The following SPMIP9 variants were observed in gnomAD, a reference collection of about 807,000 sequenced individuals.
SPMIP9 encodes protein SPMIP9.
the SPMIP9 span, chr2:88,529,172 C>T: frequency 6.2e-7 from 1 of 1,614,204 alleles, no homozygotes. Context: ...TGCCAAAGAC[C>T]TGGGACTCCC....
chr2:88,527,144 C>A, the SPMIP9 span, among the ~76,000 whole-genome samples: 1 of 152,092 alleles, frequency 6.6e-6, no homozygotes, highest in African/African-American at 2.4e-5. Context: ...CGCAAACTTA[C>A]CCCTCCTCCC....
At chr2:88,528,360 A>G in the SPMIP9 span, among the ~76,000 whole-genome samples, 2 of 151,066 alleles carry the variant, frequency 1.3e-5, no homozygotes, top group African/African-American at 4.9e-5. Flanking sequence ...CTGGTCTTGG[A>G]CTCCTGTCCT....
chr2:88,525,455 C>T, the SPMIP9 span, among the ~76,000 whole-genome samples: 20 of 152,308 alleles, frequency 1.3e-4, no homozygotes, highest in Non-Finnish European at 2.1e-4. Flanking sequence ...GTCCCAGGGA[C>T]CCTGGTATCA....
chr2:88,528,700 A>G, the SPMIP9 span, among the ~76,000 whole-genome samples: 4 of 152,234 alleles, frequency 2.6e-5, no homozygotes, highest in Non-Finnish European at 5.9e-5. Flanking sequence ...AAAGTGTGGG[A>G]TGGAATATAA....
At chr2:88,526,310 G>A in the SPMIP9 span, 147 of 954,218 alleles carry the variant, frequency 1.5e-4, no homozygotes, top group Non-Finnish European at 1.5e-4. Context: ...CCCCAAAGTC[G>A]GCCTTTGTCC....
At chr2:88,526,917 C>G in the SPMIP9 span, among the ~76,000 whole-genome samples, 2 of 152,110 alleles carry the variant, frequency 1.3e-5, no homozygotes, top group Non-Finnish European at 2.9e-5. Context: ...CCACCTGCCT[C>G]GGCCTCCCAA....
the SPMIP9 span, chr2:88,529,379 T>C: frequency 6.2e-7 from 1 of 1,614,182 alleles, no homozygotes; most frequent in East Asian, 2.2e-5. Context: ...GGCCAAAGGC[T>C]ACCTGCTACT....
chr2:88,527,080 C>A, the SPMIP9 span, among the ~76,000 whole-genome samples: 44,791 of 151,978 alleles, frequency 0.29, 7,048 homozygotes, highest in Middle Eastern at 0.43. Context: ...CATTACAGAC[C>A]GCTTAAAACA....
chr2:88,528,842 G>A, the SPMIP9 span, among the ~76,000 whole-genome samples: 41 of 152,232 alleles, frequency 2.7e-4, no homozygotes, highest in Admixed American at 3.9e-4. Context: ...AACCAAGGGA[G>A]GAGGAGAGTG....
chr2:88,529,141 T>C, the SPMIP9 span: 1 of 1,614,176 alleles, frequency 6.2e-7, no homozygotes, highest in Non-Finnish European at 8.5e-7. Flanking sequence ...GGTACCCTGC[T>C]TTCAAAAGAC....
the SPMIP9 span, among the ~76,000 whole-genome samples, chr2:88,527,134 C>T: frequency 1.3e-5 from 2 of 152,032 alleles, no homozygotes; most frequent in East Asian, 1.9e-4. Flanking sequence ...CTTGGTAACC[C>T]GCAAACTTAC....
chr2:88,529,023 C>G, the SPMIP9 span: 32 of 1,591,130 alleles, frequency 2.0e-5, no homozygotes, highest in Admixed American at 5.5e-4. Flanking sequence ...TCTCTCACCC[C>G]TCCATTCATG....
the SPMIP9 span, chr2:88,529,243 C>T: frequency 6.2e-7 from 1 of 1,614,188 alleles, no homozygotes; most frequent in South Asian, 1.1e-5. Flanking sequence ...AGTTCACCAG[C>T]ACCTGCCATT....
chr2:88,528,162 G>T, the SPMIP9 span, among the ~76,000 whole-genome samples: 1 of 147,276 alleles, frequency 6.8e-6, no homozygotes, highest in African/African-American at 2.5e-5. Context: ...TTTTGAGAAG[G>T]AGTCTGGCTC....
At chr2:88,527,954 A>G in the SPMIP9 span, among the ~76,000 whole-genome samples, 2 of 152,184 alleles carry the variant, frequency 1.3e-5, no homozygotes, top group Non-Finnish European at 1.5e-5. Flanking sequence ...GTGCAAAATC[A>G]TATTTTCCTG....
At chr2:88,525,780 AGTTTT>A in the SPMIP9 span, 3 of 1,121,964 alleles carry the variant, frequency 2.7e-6, no homozygotes, top group Non-Finnish European at 3.9e-6. Flanking sequence ...CTGTAATGAT[AGTTTT>A]GGGTTTTGTG....
chr2:88,527,849 A>G, the SPMIP9 span, among the ~76,000 whole-genome samples: 2 of 152,224 alleles, frequency 1.3e-5, no homozygotes, highest in Non-Finnish European at 2.9e-5. Flanking sequence ...GCACCAATTT[A>G]CATTATGGCC....
the SPMIP9 span, chr2:88,526,567 A>G: frequency 8.2e-7 from 1 of 1,225,922 alleles, no homozygotes; most frequent in Non-Finnish European, 1.2e-6. Flanking sequence ...CTTCATTTGT[A>G]TTACAAATGT....
chr2:88,525,654 G>A, the SPMIP9 span: 5 of 1,614,102 alleles, frequency 3.1e-6, no homozygotes, highest in South Asian at 5.5e-5. Flanking sequence ...CATGGCAGGT[G>A]TGAAATACCC....
Sources: allele counts gnomAD v4.1 joint callset (sites outside exome capture counted in the v4.1 genomes callset), GRCh38; gene constraint gnomAD v4.1.1; transcripts MANE v1.5; gene names NCBI Gene and HGNC (gene_info 2026-07-23, HGNC 2026-07-21).